GRIK2: variants seen among roughly 807,000 people sequenced by gnomAD.
The protein encoded by GRIK2 is glutamate receptor ionotropic, kainate 2.
In GRIK2, 32 loss-of-function variants were observed where a neutral mutation model predicts 100.3. That is an observed-to-expected ratio of 0.32 (90% confidence interval 0.24 to 0.43). GRIK2 has a LOEUF of 0.43. Ranked by LOEUF, GRIK2 falls within the 20% of genes least tolerant of loss-of-function variation. GRIK2 has a pLI of 1.00. For synonymous variants in GRIK2, 417 were observed against 389.4 expected (o/e 1.07, Z -0.83); for missense variants, 843 against 1,114.9 (o/e 0.76, Z 3.47).
rs1460762040 is a variant in GRIK2, at chr6:101,399,378, A to G, written c.101A>G (p.His34Arg). The G allele has an allele frequency of 1.3e-6, 2 of 1,515,088 alleles. No individual in the cohort carries two copies. The highest frequency in any genetic ancestry group is 2.3e-5 in the East Asian group (1 of 44,388). 93.9% of individuals were successfully genotyped at this position (1,515,088 alleles called of 1,614,324 possible). Residue 34 changes from histidine (H) to arginine (R), a missense_variant, in exon 2 of 17, where the codon CAT (histidine) becomes CGT (arginine). Around this residue, in one of 3 missense-constraint regions of GRIK2, gnomAD observed 519 missense variants for 643.8 expected, o/e 0.81. Transcript: ENST00000369134. ...ATTGGATATTCTCAAGGAACCACAC[A>G]TGTATTAAGATTTGGTAAGATTCCC... ...LWIGYSQGTT[H>R]VLRFGGIFEY...
At chr6:101,819,671 A>G (rs1201989127) in intron 10 of GRIK2, among the ~76,000 whole-genome samples, 2 of 152,176 alleles carry the variant, frequency 1.3e-5, no homozygotes, top group Non-Finnish European at 2.9e-5. Flanking sequence ...GTACAATTAC[A>G]CATCCTCTTT....
chr6:101,710,452 C>T (rs963915726), intron 7 of GRIK2, among the ~76,000 whole-genome samples: 7 of 151,794 alleles, frequency 4.6e-5, no homozygotes, highest in Non-Finnish European at 8.8e-5. Flanking sequence ...AAACATCTAG[C>T]GTTAAATATA....
At chr6:101,616,213 A>G (rs2128314759) in intron 2 of GRIK2, among the ~76,000 whole-genome samples, 1 of 151,924 alleles carries the variant, frequency 6.6e-6, no homozygotes, top group East Asian at 1.9e-4. Flanking sequence ...AGACACAAAC[A>G]CCCTGAGATT....
At chr6:101,447,031 T>G (rs903288264) in intron 2 of GRIK2, among the ~76,000 whole-genome samples, 7 of 148,012 alleles carry the variant, frequency 4.7e-5, no homozygotes, top group Non-Finnish European at 1.0e-4. Flanking sequence ...ATATATATTT[T>G]ATATGTGTGT....
At chr6:101,977,389 A>G (rs1793455803) in intron 14 of GRIK2, among the ~76,000 whole-genome samples, 2 of 151,962 alleles carry the variant, frequency 1.3e-5, no homozygotes, top group East Asian at 2.0e-4. Flanking sequence ...AGAAGTAGGC[A>G]AAGAATGCCT....
intron 2 of GRIK2, among the ~76,000 whole-genome samples, chr6:101,525,269 A>G (rs1775093559): frequency 6.6e-6 from 1 of 152,218 alleles, no homozygotes; most frequent in Non-Finnish European, 1.5e-5. Context: ...CACAAAAATG[A>G]TAGTTTATGT....
At chr6:102,055,630 A>C (rs749991750) in intron 16 of GRIK2, 50 bp downstream of exon 16, 1 of 1,364,084 alleles carries the variant, frequency 7.3e-7, no homozygotes, top group Admixed American at 1.8e-5. Flanking sequence ...TTGTTGTTAC[A>C]ATAAAACACA....
intron 14 of GRIK2, among the ~76,000 whole-genome samples, chr6:101,943,475 GA>G (rs1791080449): frequency 2.0e-5 from 3 of 152,270 alleles, no homozygotes; most frequent in Non-Finnish European, 2.9e-5. Context: ...CTTGCACCTG[GA>G]AAAGCCACAG....
chr6:101,725,800 G>T (rs556082283), intron 7 of GRIK2, among the ~76,000 whole-genome samples: 3 of 151,990 alleles, frequency 2.0e-5, no homozygotes, highest in Middle Eastern at 3.4e-3. Context: ...AAAGACTGTC[G>T]TTAACTCTGA....
At chr6:101,671,684 T>C (rs944962223) in intron 4 of GRIK2, among the ~76,000 whole-genome samples, 16 of 151,984 alleles carry the variant, frequency 1.1e-4, no homozygotes, top group African/African-American at 3.9e-4. Context: ...GCCAACAGGG[T>C]GAAACCCCAT....
chr6:101,943,682 T>C (rs1206013863), intron 14 of GRIK2, among the ~76,000 whole-genome samples: 3 of 152,226 alleles, frequency 2.0e-5, no homozygotes, highest in South Asian at 2.1e-4. Flanking sequence ...CCATGGGGCC[T>C]GTAGCCCCTT....
At chr6:102,009,159 C>T (rs539508275) in intron 14 of GRIK2, among the ~76,000 whole-genome samples, 23 of 152,008 alleles carry the variant, frequency 1.5e-4, no homozygotes, top group African/African-American at 5.3e-4. Context: ...TTTCTGAACA[C>T]ATAAATTGAA....
intron 10 of GRIK2, among the ~76,000 whole-genome samples, chr6:101,831,214 G>A (rs1194636213): frequency 1.3e-5 from 2 of 151,948 alleles, no homozygotes; most frequent in Non-Finnish European, 2.9e-5. Context: ...TAATAGTATC[G>A]AGATATCAAA....
intron 15 of GRIK2, among the ~76,000 whole-genome samples, chr6:102,042,444 A>C (rs1256040913): frequency 6.6e-6 from 1 of 151,710 alleles, no homozygotes; most frequent in Admixed American, 6.6e-5. Flanking sequence ...GCAATATTGG[A>C]CATAAACAAA....
At chr6:101,756,073 G>A (rs73761409) in intron 7 of GRIK2, among the ~76,000 whole-genome samples, 1 of 152,126 alleles carries the variant, frequency 6.6e-6, no homozygotes, top group African/African-American at 2.4e-5. Flanking sequence ...CCCAGGTTTT[G>A]TGTTGTTTAA....
At chr6:101,718,272 G>C (rs912542491) in intron 7 of GRIK2, among the ~76,000 whole-genome samples, 8 of 151,916 alleles carry the variant, frequency 5.3e-5, no homozygotes, top group African/African-American at 1.9e-4. Context: ...ACACATTGGA[G>C]AAGGGAGAAT....
chr6:101,567,579 A>G (rs1777337240), intron 2 of GRIK2, among the ~76,000 whole-genome samples: 1 of 151,958 alleles, frequency 6.6e-6, no homozygotes, highest in African/African-American at 2.4e-5. Flanking sequence ...TCATAAACTT[A>G]CTCTCAAGAA....
intron 2 of GRIK2, among the ~76,000 whole-genome samples, chr6:101,412,528 TA>T (rs1226956095): frequency 6.6e-6 from 1 of 152,052 alleles, no homozygotes; most frequent in East Asian, 1.9e-4. Flanking sequence ...AATTTTAAGA[TA>T]AATATTGAAG....
intron 11 of GRIK2, among the ~76,000 whole-genome samples, chr6:101,870,849 AT>A (rs1391749494): frequency 6.6e-6 from 1 of 151,878 alleles, no homozygotes; most frequent in Non-Finnish European, 1.5e-5. Context: ...ATAAAAAGTC[AT>A]TTTCAAGTAT....
Sources: allele counts gnomAD v4.1 joint callset (sites outside exome capture counted in the v4.1 genomes callset), GRCh38; gene constraint gnomAD v4.1.1; regional missense constraint gnomAD v4.1.1; transcripts MANE v1.5; gene names NCBI Gene and HGNC (gene_info 2026-07-23, HGNC 2026-07-21).